LCP1: variants seen among roughly 807,000 people sequenced by gnomAD.
LCP1 encodes plastin-2.
In LCP1, 23 loss-of-function variants were observed where a neutral mutation model predicts 72.0. The observed-to-expected ratio is 0.32, with a 90% CI of 0.23 to 0.45. LCP1 has a LOEUF of 0.45. Among genes scored for constraint, LCP1 ranks in the 20% least tolerant of loss-of-function variants. LCP1 has a pLI of 1.00. For synonymous variants in LCP1, 245 were observed against 275.4 expected (o/e 0.89, Z 1.09); for missense variants, 571 against 748.3 (o/e 0.76, Z 2.76).
At chr13:46,137,381 T>C (rs2138225570) in intron 13 of LCP1, among the ~76,000 whole-genome samples, 1 of 152,074 alleles carries the variant, frequency 6.6e-6, no homozygotes, top group African/African-American at 2.4e-5. Context: ...CTACTAAAAG[T>C]AGAAAATTAG....
chr13:46,137,224 A>AAAAC (rs59614425), intron 13 of LCP1, among the ~76,000 whole-genome samples: 10 of 148,416 alleles, frequency 6.7e-5, no homozygotes, highest in African/African-American at 2.2e-4. Flanking sequence ...AAAAAAAAAA[A>AAAAC]CACAAAGAGA....
chr13:46,168,338 G>A (rs544788667), intron 1 of LCP1: 30 of 152,328 alleles, frequency 2.0e-4, no homozygotes, highest in African/African-American at 6.3e-4. Context: ...AATAGCTGCT[G>A]GCGCCATCAG....
intron 1 of LCP1, among the ~76,000 whole-genome samples, chr13:46,161,564 T>G (rs1317705885): frequency 6.6e-6 from 1 of 152,066 alleles, no homozygotes; most frequent in Non-Finnish European, 1.5e-5. Flanking sequence ...TCTCGTCCTT[T>G]TTTCTTTCCT....
chr13:46,145,109 C>T (rs1157932111), intron 10 of LCP1, among the ~76,000 whole-genome samples: 1 of 152,154 alleles, frequency 6.6e-6, no homozygotes, highest in African/African-American at 2.4e-5. Flanking sequence ...GTGTGTTGTA[C>T]AGCCCAATGA....
At chr13:46,180,257 C>T (rs748142999) in intron 1 of LCP1, among the ~76,000 whole-genome samples, 1 of 152,078 alleles carries the variant, frequency 6.6e-6, no homozygotes. Context: ...GAGGATTAAA[C>T]GAGGTAATGC....
chr13:46,165,006 A>C lies in LCP1; in HGVS notation c.-24-5320T>G, dbSNP rs568369300. 2.0e-5 allele frequency among the ~76,000 whole-genome samples: 3 copies of C among 152,364 alleles called. No homozygotes were observed. In the East Asian group the frequency reaches 5.8e-4, roughly 29 times the overall value. On this transcript the variant is annotated intron_variant, in intron 1 of 15. Coordinates refer to ENST00000323076, the MANE Select transcript of LCP1 (RefSeq NM_002298.5). Reference sequence around the variant, plus strand: ...TAATTAAACTGAATGTGCAAAGGGCAGTAATTTCACAAAGCAAAGCAGCAG... The same window carrying C: ...TAATTAAACTGAATGTGCAAAGGGCCGTAATTTCACAAAGCAAAGCAGCAG...
intron 7 of LCP1, 113 bp from the exon 8 acceptor site, chr13:46,151,191 T>A: frequency 9.8e-7 from 1 of 1,022,796 alleles, no homozygotes; most frequent in Non-Finnish European, 1.4e-6. Flanking sequence ...ACGTTACCTC[T>A]TTGGGGTAAA....
At chr13:46,146,706 G>T (rs9595421) in intron 10 of LCP1, among the ~76,000 whole-genome samples, 1 of 152,136 alleles carries the variant, frequency 6.6e-6, no homozygotes, top group African/African-American at 2.4e-5. Flanking sequence ...GTTAATGGAC[G>T]TGATAGAATG....
At chr13:46,181,909 A>T (rs1176946212) in intron 1 of LCP1, among the ~76,000 whole-genome samples, 1 of 152,186 alleles carries the variant, frequency 6.6e-6, no homozygotes, top group African/African-American at 2.4e-5. Context: ...CAGCCCAGAG[A>T]GCCGAGGTGC....
intron 6 of LCP1, 66 bp from the exon 7 acceptor site, chr13:46,153,011 C>T: frequency 1.4e-6 from 2 of 1,440,580 alleles, no homozygotes; most frequent in South Asian, 2.6e-5. Flanking sequence ...ATACCGATGG[C>T]AACAGTAACA....
At chr13:46,152,676 T>C (rs981734904) in intron 7 of LCP1, 104 bp downstream of exon 7, 2 of 1,121,114 alleles carry the variant, frequency 1.8e-6, no homozygotes, top group East Asian at 2.4e-5. Context: ...TATAACTGTG[T>C]AGTTTTCAAA....
chr13:46,160,390 A>ACACT (rs2045830559), intron 1 of LCP1, among the ~76,000 whole-genome samples: 1 of 152,188 alleles, frequency 6.6e-6, no homozygotes, highest in South Asian at 2.1e-4. Flanking sequence ...AGCAACTAAA[A>ACACT]CACTTCACTT....
intron 8 of LCP1, chr13:46,148,660 TA>T (rs2045745268): frequency 2.0e-6 from 1 of 507,838 alleles, no homozygotes; most frequent in Non-Finnish European, 3.3e-6. Context: ...AGCGTAACAA[TA>T]AAATAGACAA....
intron 1 of LCP1, among the ~76,000 whole-genome samples, chr13:46,163,013 G>C (rs1456674872): frequency 6.8e-6 from 1 of 148,030 alleles, no homozygotes; most frequent in Non-Finnish European, 1.5e-5. Context: ...GGAGGGAGGT[G>C]GGGGGCAGCC....
Position 46,147,119 on chromosome 13 carries a change from A to ATGTC in LCP1, c.979-20_979-17dup. The ATGTC allele has an allele frequency of 6.4e-7, 1 of 1,560,908 alleles. No homozygotes were observed. The highest frequency in any genetic ancestry group is 8.6e-7 in the Non-Finnish European group (1 of 1,157,114). ...CATCCTTCTCCTGCAATGCAAAAGGATGTCTCAGGGCTGGGTCAAGGCTCT... is the reference window on the plus strand; with the variant it reads ...CATCCTTCTCCTGCAATGCAAAAGGATGTCTGTCTCAGGGCTGGGTCAAGGCTCT... On this transcript the variant is annotated splice_polypyrimidine_tract_variant and intron_variant, in intron 9 of 15. Coordinates refer to ENST00000323076, the MANE Select transcript of LCP1 (RefSeq NM_002298.5).
At chr13:46,179,802 T>A (rs544676196) in intron 1 of LCP1, among the ~76,000 whole-genome samples, 52 of 151,794 alleles carry the variant, frequency 3.4e-4, no homozygotes, top group African/African-American at 1.1e-3. Flanking sequence ...TGACAAGAAA[T>A]AAGATTGGGG....
intron 1 of LCP1, among the ~76,000 whole-genome samples, chr13:46,162,470 TC>T (rs1427379747): frequency 6.6e-6 from 1 of 152,048 alleles, no homozygotes; most frequent in African/African-American, 2.4e-5. Flanking sequence ...TGACTCGTTT[TC>T]GTATTTTTTT....
At chr13:46,142,447 C>T (rs371412670) in intron 12 of LCP1, 22 bp from the exon 13 acceptor site, 63 of 1,608,958 alleles carry the variant, frequency 3.9e-5, no homozygotes, top group Non-Finnish European at 5.1e-5. Flanking sequence ...GAAAGGAAAA[C>T]GATTTAACGT....
Position 46,151,047 on chromosome 13 carries a change from G to T in LCP1, c.771C>A (p.Ser257Arg). ...GGGAGAGTTTCATCAAATCCTCCAGGCTCTCACCTTCTCTCAAAAGAGCAA... is the reference window on the plus strand; with the variant it reads ...GGGAGAGTTTCATCAAATCCTCCAGTCTCTCACCTTCTCTCAAAAGAGCAA... ...ALIALLREGE[S>R]LEDLMKLSPE... The change falls in exon 8 of 16, where the codon AGC becomes AGA. Residue 257 changes from serine (S) to arginine (R), a missense_variant. By Grantham distance (110) the Ser-to-Arg change is moderately radical. Coordinates refer to ENST00000323076, the MANE Select transcript of LCP1 (RefSeq NM_002298.5). 1 of 1,613,752 alleles carries T rather than the reference G, an allele frequency of 6.2e-7. No individual in the cohort carries two copies. The highest frequency in any genetic ancestry group is 8.5e-7 in the Non-Finnish European group (1 of 1,179,896).
Sources: allele counts gnomAD v4.1 joint callset (sites outside exome capture counted in the v4.1 genomes callset), GRCh38; gene constraint gnomAD v4.1.1; transcripts MANE v1.5; gene names NCBI Gene and HGNC (gene_info 2026-07-23, HGNC 2026-07-21).